Variants in ITGA1 observed in about 807,000 individuals in gnomAD.
ITGA1 encodes the protein integrin alpha-1.
Under a neutral mutation model 145.9 loss-of-function variants are expected in ITGA1, and 85 were observed. That is an observed-to-expected ratio of 0.58 (90% CI 0.49 to 0.70). ITGA1 has a LOEUF of 0.70. ITGA1 is among the 30% of genes least tolerant of loss of function. ITGA1 has a pLI of 0.00. For missense variants in ITGA1, 1,351 were observed against 1,418.7 expected, an observed-to-expected ratio of 0.95 and a Z score of 0.77; for synonymous variants, 520 against 495.3, an observed-to-expected ratio of 1.05 and a Z score of -0.66.
At position 52,929,660 on chromosome 5, in the gene ITGA1, C is replaced by A; in HGVS notation, c.2730C>A (p.Ser910=). The change falls in exon 21 of 29, where the codon TCC becomes TCA. Residue 910 remains serine, a synonymous_variant. Coordinates refer to ENST00000282588, the MANE Select transcript of ITGA1 (RefSeq NM_181501.2). ...TFKILFQFNT[S]YLMENVTIYL... Reference sequence around the variant, plus strand: ...AAATATTGTTTCAGTTTAACACATCCTATCTCATGGAAAATGTGACCATTT... The same window carrying A: ...AAATATTGTTTCAGTTTAACACATCATATCTCATGGAAAATGTGACCATTT... The A allele has an allele frequency of 6.3e-7, 1 of 1,591,196 alleles. No individual in the cohort carries two copies. Among genetic ancestry groups the A allele is most frequent in the Non-Finnish European group, 8.6e-7 (1 of 1,162,344 alleles).
chr5:52,876,961 G>C (rs1749876859), intron 6 of ITGA1, among the ~76,000 whole-genome samples: 1 of 152,096 alleles, frequency 6.6e-6, no homozygotes. Flanking sequence ...TGGTAGGAGT[G>C]GAGTTCATAT....
At chr5:52,866,355 G>A (rs1749688244) in intron 6 of ITGA1, among the ~76,000 whole-genome samples, 2 of 151,308 alleles carry the variant, frequency 1.3e-5, no homozygotes, top group South Asian at 4.1e-4. Flanking sequence ...TATTATGAAA[G>A]CTGCCATTTT....
At position 52,823,056 on chromosome 5, in the gene ITGA1, A is replaced by G. The variant is rs554581759; in HGVS notation, c.62-26309A>G. 5.9e-5 allele frequency among the ~76,000 whole-genome samples: 9 copies of G among 152,274 alleles called. No homozygotes were observed. In the South Asian group the frequency reaches 1.9e-3, roughly 32 times the overall value. ...GGTCAAAAGAGGGCTCCAAGGAACC[A>G]GGTCTAACAAGCTTTAAGGTGAGTG... On this transcript the variant is annotated intron_variant, in intron 1 of 28. Transcript: ENST00000282588.
chr5:52,864,103 T>A (rs1354787120), intron 3 of ITGA1: 2 of 152,274 alleles, frequency 1.3e-5, no homozygotes, highest in African/African-American at 2.4e-5. Flanking sequence ...TTGTTTTTCC[T>A]GTCCAGTCTT....
intron 8 of ITGA1, among the ~76,000 whole-genome samples, chr5:52,893,085 C>T (rs1357418072): frequency 6.6e-6 from 1 of 152,070 alleles, no homozygotes; most frequent in African/African-American, 2.4e-5. Flanking sequence ...ATAACTCCTG[C>T]TTCTCTCTCC....
intron 17 of ITGA1, among the ~76,000 whole-genome samples, chr5:52,921,472 A>C (rs1307939263): frequency 6.6e-6 from 1 of 152,226 alleles, no homozygotes; most frequent in South Asian, 2.1e-4. Flanking sequence ...CAGGACCAAG[A>C]TCAATCTATT....
rs990219410 is a variant in ITGA1 at position 52,833,240 on chromosome 5, A to G, written c.62-16125A>G. Among the ~76,000 whole-genome samples, 23 of 152,116 alleles carry G rather than the reference A, an allele frequency of 1.5e-4. 1 individual carries two copies. Among genetic ancestry groups the G allele is most frequent in the Non-Finnish European group, 2.9e-5 (2 of 68,020 alleles). On this transcript the variant is annotated intron_variant, in intron 1 of 28. Coordinates refer to ENST00000282588, the MANE Select transcript of ITGA1 (RefSeq NM_181501.2). ...TTAGCCTTTACCTGTGTGTACTACA[A>G]TTTAAAAGGCCATCTTTGAAAAGAC...
chr5:52,912,907 C>T (rs568960131), intron 14 of ITGA1, among the ~76,000 whole-genome samples: 1 of 151,874 alleles, frequency 6.6e-6, no homozygotes, highest in East Asian at 1.9e-4. Context: ...CCACCACGCC[C>T]GGCTAATTTT....
At chr5:52,827,507 CT>C (rs1269275088) in intron 1 of ITGA1, among the ~76,000 whole-genome samples, 1 of 152,160 alleles carries the variant, frequency 6.6e-6, no homozygotes, top group African/African-American at 2.4e-5. Flanking sequence ...AGAAGTTTTT[CT>C]GTGGGTAAAG....
intron 27 of ITGA1, among the ~76,000 whole-genome samples, chr5:52,945,691 T>A (rs1379975324): frequency 6.6e-6 from 1 of 152,194 alleles, no homozygotes; most frequent in Non-Finnish European, 1.5e-5. Context: ...TCTCCCCCCT[T>A]CTCATGGGAG....
At chr5:52,824,780 T>G (rs1377830478) in intron 1 of ITGA1, 1 of 152,202 alleles carries the variant, frequency 6.6e-6, no homozygotes, top group Non-Finnish European at 1.5e-5. Flanking sequence ...AGAAGATCCT[T>G]TAAAAAGCAA....
intron 1 of ITGA1, among the ~76,000 whole-genome samples, chr5:52,845,359 G>C (rs1471741012): frequency 6.6e-6 from 1 of 152,082 alleles, no homozygotes; most frequent in Non-Finnish European, 1.5e-5. Context: ...TTATGAAAAA[G>C]AAATACCACG....
chr5:52,860,299 G>C (rs1014802685), intron 2 of ITGA1, among the ~76,000 whole-genome samples: 1 of 152,170 alleles, frequency 6.6e-6, no homozygotes, highest in Non-Finnish European at 1.5e-5. Flanking sequence ...TGTAATCCCA[G>C]CACTTTGGGA....
chr5:52,918,577 C>G (rs968138641), intron 15 of ITGA1, among the ~76,000 whole-genome samples, 155 bp from the exon 16 acceptor site: 21 of 152,154 alleles, frequency 1.4e-4, no homozygotes, highest in African/African-American at 4.3e-4. Flanking sequence ...GATATAATCT[C>G]TTCTGTAACA....
At chr5:52,798,649 C>G (rs1254846248) in intron 1 of ITGA1, among the ~76,000 whole-genome samples, 8 of 152,214 alleles carry the variant, frequency 5.3e-5, no homozygotes, top group Non-Finnish European at 8.8e-5. Flanking sequence ...ATGCCTCTGT[C>G]TGGCTTAGTC....
intron 2 of ITGA1, among the ~76,000 whole-genome samples, chr5:52,852,476 A>C (rs1749445068): frequency 6.6e-6 from 1 of 152,206 alleles, no homozygotes; most frequent in African/African-American, 2.4e-5. Context: ...TGAATCAGTA[A>C]ATCTTGGTGG....
At position 52,916,151 on chromosome 5, in the gene ITGA1, A is replaced by T. The variant is rs1256258033; in HGVS notation, c.1988+557A>T. 2.0e-5 allele frequency among the ~76,000 whole-genome samples: 3 copies of T among 152,234 alleles called. No homozygotes were observed. In the East Asian group the frequency reaches 5.8e-4, roughly 29 times the overall value. ...ATTAATTATGAATAAATAATAATTT[A>T]GTAGGCAAAAATAATTATTGCTTAC... On this transcript the variant is annotated intron_variant, in intron 15 of 28. Coordinates refer to ENST00000282588, the MANE Select transcript of ITGA1 (RefSeq NM_181501.2).
chr5:52,882,555 A>G (rs922424683), intron 7 of ITGA1, among the ~76,000 whole-genome samples: 1 of 147,860 alleles, frequency 6.8e-6, no homozygotes, highest in African/African-American at 2.5e-5. Flanking sequence ...GGATATTATC[A>G]TTTGTAATCC....
intron 14 of ITGA1, among the ~76,000 whole-genome samples, chr5:52,910,860 CACTA>C (rs1365784178): frequency 7.2e-6 from 1 of 139,000 alleles, no homozygotes; most frequent in Non-Finnish European, 1.5e-5. Flanking sequence ...TATATATACA[CACTA>C]TATATAGTAT....
Sources: gnomAD v4.1 joint callset for allele counts (sites outside exome capture counted in the v4.1 genomes callset) on GRCh38, gnomAD v4.1.1 for gene constraint, MANE v1.5 for transcripts, NCBI Gene and HGNC (gene_info 2026-07-23, HGNC 2026-07-21) for gene names.